CAMTA1: variants seen among roughly 807,000 people sequenced by gnomAD.
CAMTA1 encodes calmodulin binding transcription activator 1, also known as calmodulin-binding transcription activator 1.
A neutral mutation model predicts 170.9 loss-of-function variants in CAMTA1; 27 were observed. The ratio of observed to expected loss-of-function variants is 0.16; its 90% CI spans 0.12 to 0.22. CAMTA1 has a LOEUF of 0.22. CAMTA1 is among the 10% of genes least tolerant of loss of function. The pLI is 1.00. For missense variants in CAMTA1, 1,619 were observed against 2,217.2 expected, an observed-to-expected ratio of 0.73 and a Z score of 5.42; for synonymous variants, 833 against 891.5, an observed-to-expected ratio of 0.93 and a Z score of 1.17.
chr1:7,515,455 T>C (rs2094270973), intron 6 of CAMTA1, among the ~76,000 whole-genome samples: 1 of 152,190 alleles, frequency 6.6e-6, no homozygotes, highest in Admixed American at 6.5e-5. Context: ...CCTCATGGGC[T>C]TATGTATGTA....
At chr1:6,989,175 A>ACCTG (rs1394287843) in intron 3 of CAMTA1, among the ~76,000 whole-genome samples, 2 of 152,152 alleles carry the variant, frequency 1.3e-5, no homozygotes, top group Non-Finnish European at 2.9e-5. Flanking sequence ...GCCATCTGGG[A>ACCTG]CCTGCCTCTT....
chr1:7,267,263 GC>G (rs1558331718), intron 5 of CAMTA1, among the ~76,000 whole-genome samples: 1 of 152,096 alleles, frequency 6.6e-6, no homozygotes, highest in Non-Finnish European at 1.5e-5. Flanking sequence ...GCTTCACAGT[GC>G]CAGCATTTCT....
chr1:6,907,483 T>C (rs1331979940), intron 3 of CAMTA1, among the ~76,000 whole-genome samples: 4 of 152,140 alleles, frequency 2.6e-5, no homozygotes, highest in Non-Finnish European at 5.9e-5. Context: ...CAGGGCATGC[T>C]CCTGGGGGAG....
At chr1:6,846,420 G>A (rs1658173025) in intron 3 of CAMTA1, among the ~76,000 whole-genome samples, 1 of 152,104 alleles carries the variant, frequency 6.6e-6, no homozygotes, top group Non-Finnish European at 1.5e-5. Context: ...TCTTTATAAG[G>A]AGACAATTGC....
In CAMTA1 at chr1:7,663,550, C is replaced by A; in HGVS notation, c.1003C>A (p.Leu335Ile). ...GAACGGCAAGGTGGCCAAGCCCGTG[C>A]TCCTGCACCAGAGCAGCACCGAGGT... ...KRNGKVAKPV[L>I]LHQSSTEVSS... The change falls in exon 9 of 23, where the codon CTC (leucine) becomes ATC (isoleucine). Residue 335 changes from leucine to isoleucine, a missense_variant. Around this residue, in one of 8 missense-constraint regions of CAMTA1, gnomAD observed 731 missense variants for 907.6 expected, o/e 0.81. Transcript: ENST00000303635. 1.2e-6 allele frequency: 2 copies of A among 1,608,710 alleles called. No individual in the cohort carries two copies. The highest frequency in any genetic ancestry group is 1.7e-6 in the Non-Finnish European group (2 of 1,175,672).
intron 4 of CAMTA1, among the ~76,000 whole-genome samples, chr1:7,238,149 CTTCTTTCT>C (rs202025348): frequency 7.4e-6 from 1 of 134,852 alleles, no homozygotes; most frequent in Admixed American, 9.0e-5. Flanking sequence ...TATGGTCAGT[CTTCTTTCT>C]TTTTTTTTTT....
intron 6 of CAMTA1, among the ~76,000 whole-genome samples, chr1:7,569,642 C>A (rs534421473): frequency 6.6e-6 from 1 of 151,502 alleles, no homozygotes; most frequent in Admixed American, 6.6e-5. Flanking sequence ...ATCATGATCA[C>A]TATCACCATC....
intron 4 of CAMTA1, among the ~76,000 whole-genome samples, chr1:7,212,572 A>G (rs1381302152): frequency 6.6e-6 from 1 of 152,214 alleles, no homozygotes; most frequent in Admixed American, 6.5e-5. Flanking sequence ...ATTCACATGC[A>G]GTTGTAAGAA....
At chr1:7,367,061 C>T (rs2086027616) in intron 5 of CAMTA1, among the ~76,000 whole-genome samples, 1 of 152,134 alleles carries the variant, frequency 6.6e-6, no homozygotes, top group Non-Finnish European at 1.5e-5. Flanking sequence ...CAGGAGCTTT[C>T]TAACTTGTCA....
intron 6 of CAMTA1, among the ~76,000 whole-genome samples, chr1:7,478,341 G>A (rs1301117808): frequency 1.3e-5 from 2 of 152,212 alleles, no homozygotes; most frequent in African/African-American, 2.4e-5. Flanking sequence ...CTGGCTGAGT[G>A]AGATGGAAGC....
chr1:7,380,251 C>T (rs535076236), intron 5 of CAMTA1, among the ~76,000 whole-genome samples: 4 of 152,182 alleles, frequency 2.6e-5, no homozygotes, highest in South Asian at 2.1e-4. Flanking sequence ...TTGCCCGGCA[C>T]GTCCCTCTCC....
rs2096787976 is a variant in CAMTA1 at position 7,738,612 on chromosome 1, C to T, written c.4182+130C>T. On this transcript the variant is annotated intron_variant, in intron 16 of 22. Coordinates refer to ENST00000303635, the MANE Select transcript of CAMTA1 (RefSeq NM_015215.4). This position sits in a 1 kb window ranked among gnomAD's most constrained non-coding sequence, Gnocchi z 4.9. ...CCTTCGAAGTTGGCTTTGTGCAGAA[C>T]ATCGTTGGAGTATCTTCTTTCCTTG... 2 of 985,054 alleles carry T rather than the reference C, an allele frequency of 2.0e-6. No homozygotes were observed. The highest frequency in any genetic ancestry group is 2.9e-6 in the Non-Finnish European group (2 of 685,234). 61.0% of individuals were successfully genotyped at this position (985,054 alleles called of 1,614,324 possible). A position where few individuals can be genotyped will look rare whatever the true frequency, so the allele number is the denominator to read the frequency against.
chr1:7,535,476 C>T (rs968385147), intron 6 of CAMTA1, among the ~76,000 whole-genome samples: 3 of 152,188 alleles, frequency 2.0e-5, no homozygotes, highest in African/African-American at 7.2e-5. Flanking sequence ...CTTGGAGGGG[C>T]TCTGGGACGT....
At chr1:6,984,630 C>CA (rs61121663) in intron 3 of CAMTA1, among the ~76,000 whole-genome samples, 24,022 of 151,728 alleles carry the variant, frequency 0.16, 2,184 homozygotes, top group African/African-American at 0.25. Context: ...AAAATACTCA[C>CA]AAAAAACAAC....
chr1:7,724,653 A>G (rs1294581237), intron 11 of CAMTA1, among the ~76,000 whole-genome samples: 1 of 151,898 alleles, frequency 6.6e-6, no homozygotes, highest in African/African-American at 2.4e-5. Context: ...TAACATGGTG[A>G]AACTCCATCA....
rs368013673 is a variant in CAMTA1, at chr1:7,664,601, C to T, written c.2054C>T (p.Thr685Met). The change falls in exon 9 of 23, where the codon ACG becomes ATG. Residue 685 changes from threonine (T) to methionine (M), a missense_variant. By Grantham distance (81) the Thr-to-Met change is moderately conservative (BLOSUM62 -1). This residue lies in a region of CAMTA1 where 731 missense variants were observed against 907.6 expected (regional missense o/e 0.81). Transcript: ENST00000303635. Reference sequence around the variant, plus strand: ...TTCCAGGCCAACTTCCAGGCCATGACGGCAGAAGGGGAGGTCACCATGGAG... The same window carrying T: ...TTCCAGGCCAACTTCCAGGCCATGATGGCAGAAGGGGAGGTCACCATGGAG... ...MQFQANFQAM[T>M]AEGEVTMETS... 6.1e-5 allele frequency: 98 copies of T among 1,611,892 alleles called. No individual in the cohort carries two copies. Among genetic ancestry groups the T allele is most frequent in the East Asian group, 3.6e-4 (16 of 44,810 alleles).
chr1:6,811,345 C>G (rs1386108257), intron 1 of CAMTA1, among the ~76,000 whole-genome samples: 4 of 152,138 alleles, frequency 2.6e-5, no homozygotes, highest in African/African-American at 4.8e-5. Flanking sequence ...TCCTTAATAA[C>G]TTGGGTTCAT....
intron 6 of CAMTA1, among the ~76,000 whole-genome samples, chr1:7,520,387 T>C (rs182545047): frequency 9.5e-5 from 14 of 147,178 alleles, no homozygotes; most frequent in Admixed American, 9.5e-4. Flanking sequence ...GGACAGGCGC[T>C]GGGTTACGGC....
chr1:7,464,765 AT>A (rs2093171291), intron 5 of CAMTA1, among the ~76,000 whole-genome samples: 2 of 152,138 alleles, frequency 1.3e-5, no homozygotes, highest in African/African-American at 4.8e-5. Context: ...TCCAAGGAGC[AT>A]CCCGAGGGTT....
Sources: allele counts gnomAD v4.1 joint callset (sites outside exome capture counted in the v4.1 genomes callset), GRCh38; gene constraint gnomAD v4.1.1; regional missense constraint gnomAD v4.1.1; non-coding constraint Gnocchi (gnomAD v3.1); transcripts MANE v1.5; gene names NCBI Gene and HGNC (gene_info 2026-07-23, HGNC 2026-07-21).